The following TMEM214 variants were observed in gnomAD, a reference collection of about 807,000 sequenced individuals.
The protein encoded by TMEM214 is transmembrane protein 214.
Under a neutral mutation model 89.8 loss-of-function variants are expected in TMEM214, and 71 were observed. That is an observed-to-expected ratio of 0.79 (90% CI 0.65 to 0.96). The LOEUF (loss-of-function observed/expected upper bound fraction) is 0.96. Among genes scored for constraint, TMEM214 ranks in the 40% least tolerant of loss-of-function variants. The pLI is 0.00. For synonymous variants in TMEM214, 332 were observed against 349.5 expected, an observed-to-expected ratio of 0.95 and a Z score of 0.56; for missense variants, 754 against 843.4, an observed-to-expected ratio of 0.89 and a Z score of 1.31.
chr2:27,037,700 G>A lies in TMEM214; in HGVS notation c.1150G>A (p.Glu384Lys), dbSNP rs1393485445. The change falls in exon 9 of 17, where the codon GAG (glutamate) becomes AAG (lysine). Residue 384 changes from glutamate to lysine, a missense_variant and splice_region_variant. Glu to Lys is a moderately conservative substitution (Grantham distance 56). Coordinates refer to ENST00000238788, the MANE Select transcript of TMEM214 (RefSeq NM_017727.5). ...TAGCTGTCCCCCTGAGATGAAGAAA[G>A]AGGTGAGGATATGGTGGGAGGCTTT... ...TPSCPPEMKK[E>K]LLSSLTECLT... 6.2e-7 allele frequency: 1 copy of A among 1,614,048 alleles called. No individual in the cohort carries two copies. Among genetic ancestry groups the A allele is most frequent in the Non-Finnish European group, 8.5e-7 (1 of 1,180,038 alleles).
rs375904485 is a variant in TMEM214, at chr2:27,034,048, C to G, written c.152-19C>G. The G allele has an allele frequency of 1.2e-6, 2 of 1,613,700 alleles. No homozygotes were observed. Among genetic ancestry groups the G allele is most frequent in the African/African-American group, 2.7e-5 (2 of 74,898 alleles). On this transcript the variant is annotated intron_variant, in intron 1 of 16. Coordinates refer to ENST00000238788, the MANE Select transcript of TMEM214 (RefSeq NM_017727.5). ...GGACTCAAGGGTGGCCTGCCTTTCT[C>G]TACCTATCTTCACCCCAGCTGCAAT...
intron 1 of TMEM214, among the ~76,000 whole-genome samples, 173 bp from the exon 2 acceptor site, chr2:27,033,894 G>A (rs1367533861): frequency 6.6e-6 from 1 of 152,050 alleles, no homozygotes; most frequent in Admixed American, 6.5e-5. Flanking sequence ...AATGAAAGAA[G>A]CTACCAGGAG....
In TMEM214 at chr2:27,037,554, C is replaced by A. The variant is rs751603408; in HGVS notation, c.1011-7C>A. ...TTATGCCTGTCTTTCCTCCCCACCC[C>A]ACCCAGCCTGCAGGAGCAGCTGTGT... On this transcript the variant is annotated splice_region_variant and splice_polypyrimidine_tract_variant and intron_variant, in intron 8 of 16. Coordinates refer to ENST00000238788, the MANE Select transcript of TMEM214 (RefSeq NM_017727.5). 1.9e-6 allele frequency: 3 copies of A among 1,614,182 alleles called. No individual in the cohort carries two copies. The highest frequency in any genetic ancestry group is 2.5e-6 in the Non-Finnish European group (3 of 1,180,030).
At position 27,040,988 on chromosome 2, in the gene TMEM214, C is replaced by T. The variant is rs550006545; in HGVS notation, c.*151C>T. ...CCAGTTGCCTCCACCTCAGTTCTTC[C>T]ATCTTTGGTGGGGACAGGGCCCAGC... On this transcript the variant is annotated 3_prime_UTR_variant, in exon 17 of 17. Coordinates refer to ENST00000238788, the MANE Select transcript of TMEM214 (RefSeq NM_017727.5). 2.8e-4 allele frequency: 263 copies of T among 930,098 alleles called. 6 individuals carry two copies. The South Asian group carries it at 3.9e-3, about 14-fold the overall frequency. The allele number at this position is 930,098 out of a possible 1,614,324, so 57.6% of individuals were successfully genotyped here.
At chr2:27,034,751 T>C (rs1385247345) in intron 2 of TMEM214, 5 of 216,132 alleles carry the variant, frequency 2.3e-5, no homozygotes, top group Admixed American at 5.2e-5. Flanking sequence ...GCCTGGCTAA[T>C]TTTTGTATTT....
Position 27,035,732 on chromosome 2 carries a change from A to G in TMEM214, c.637+4A>G. ...CAAGAGCTGGATAAGACACCAGGTG[A>G]AAGGGGCACGGGAGGGATGACCATC... On this transcript the variant is annotated splice_donor_region_variant and intron_variant, in intron 4 of 16. Coordinates refer to ENST00000238788, the MANE Select transcript of TMEM214 (RefSeq NM_017727.5). The G allele has an allele frequency of 6.2e-7, 1 of 1,614,182 alleles. No individual in the cohort carries two copies. The highest frequency in any genetic ancestry group is 1.3e-5 in the African/African-American group (1 of 75,044).
intron 13 of TMEM214, 65 bp downstream of exon 13, chr2:27,039,229 C>A: frequency 7.6e-7 from 1 of 1,324,072 alleles, no homozygotes; most frequent in Non-Finnish European, 1.1e-6. Flanking sequence ...CGTAGCACCA[C>A]CACCCCGCCC....
At chr2:27,035,036 C>T (rs982508577) in intron 2 of TMEM214, 99 bp from the exon 3 acceptor site, 7 of 1,381,316 alleles carry the variant, frequency 5.1e-6, no homozygotes, top group Non-Finnish European at 7.0e-6. Context: ...CTTCTTCCTA[C>T]TGCCACCTAG....
chr2:27,040,826 T>C lies in TMEM214; in HGVS notation c.2059T>C (p.Ser687Pro), dbSNP rs78254984. The stretch of plus-strand genomic sequence containing the variant: ...CTTGGACTGGGCACTTGCCCTGATA[T>C]CCCAGCAGTAGGCCCTGCCTTCCTG... ...AFLDWALALI[S>P]QQ The change falls in exon 17 of 17, where the codon TCC (serine) becomes CCC (proline). Residue 687 changes from serine to proline, a missense_variant. Transcript: ENST00000238788. 31 of 1,613,734 alleles carry C rather than the reference T, an allele frequency of 1.9e-5. No homozygotes were observed. The East Asian group carries it at 6.0e-4, about 31-fold the overall frequency.
At chr2:27,039,972 G>A in intron 14 of TMEM214, 58 bp from the exon 15 acceptor site, 3 of 1,593,252 alleles carry the variant, frequency 1.9e-6, no homozygotes, top group Non-Finnish European at 2.6e-6. Flanking sequence ...TGTTTCTTGG[G>A]AGCTAAGTGG....
chr2:27,033,348 A>G (rs936618024), intron 1 of TMEM214, among the ~76,000 whole-genome samples, 182 bp downstream of exon 1: 1 of 152,140 alleles, frequency 6.6e-6, no homozygotes, highest in African/African-American at 2.4e-5. Flanking sequence ...CACCTCCCAG[A>G]TGAGTAAACT....
intron 5 of TMEM214, 97 bp from the exon 6 acceptor site, chr2:27,036,390 C>A: frequency 9.4e-7 from 1 of 1,062,232 alleles, no homozygotes. Context: ...GGCCTGTCCT[C>A]CCTCTTCCAG....
At chr2:27,036,112 T>C in intron 5 of TMEM214, 60 bp downstream of exon 5, 1 of 1,531,262 alleles carries the variant, frequency 6.5e-7, no homozygotes. Context: ...CTGGGCAGAA[T>C]CTATGTTGTT....
chr2:27,036,995 G>T, intron 7 of TMEM214, 82 bp from the exon 8 acceptor site: 1 of 1,289,840 alleles, frequency 7.8e-7, no homozygotes, highest in South Asian at 1.2e-5. Flanking sequence ...CTTTTTCCTA[G>T]ATGTTGGCTT....
chr2:27,033,962 T>A, intron 1 of TMEM214, 105 bp from the exon 2 acceptor site: 1 of 1,271,336 alleles, frequency 7.9e-7, no homozygotes, highest in South Asian at 1.4e-5. Context: ...GACAGGCTCT[T>A]CCCTGGAGAT....
In TMEM214 at chr2:27,036,784, C is replaced by T. The variant is rs374254263; in HGVS notation, c.906C>T (p.Leu302=). The change falls in exon 7 of 17, where the codon CTC becomes CTT. Residue 302 remains leucine (L), a splice_region_variant and synonymous_variant. Coordinates refer to ENST00000238788, the MANE Select transcript of TMEM214 (RefSeq NM_017727.5). ...CCATCACATACCTGGATCGGCTGCT[C>T]CTGTGAGTAATGGGAGGGCAGCAAG... The part of the protein sequence containing the change: ...PFAITYLDRL[L]LMHPNLTKGF... 2.5e-6 allele frequency: 4 copies of T among 1,613,866 alleles called. No individual in the cohort carries two copies. Among genetic ancestry groups the T allele is most frequent in the African/African-American group, 1.3e-5 (1 of 74,858 alleles).
chr2:27,036,128 C>T (rs1446177106), intron 5 of TMEM214, 76 bp downstream of exon 5: 1 of 1,407,530 alleles, frequency 7.1e-7, no homozygotes, highest in Non-Finnish European at 1.0e-6. Context: ...TTGTTGGACT[C>T]AGGTTTGGGA....
chr2:27,038,971 T>C lies in TMEM214; in HGVS notation c.1408-76T>C. On this transcript the variant is annotated intron_variant, in intron 12 of 16. Transcript: ENST00000238788. This position sits in a 1 kb window ranked among gnomAD's most constrained non-coding sequence, Gnocchi z 4.4. Reference sequence around the variant, plus strand: ...GGCTTGACGCTCTTTCGGGAAGGCCTGGCTTGAGGTCTGCCCTCAGAGGCA... The same window carrying C: ...GGCTTGACGCTCTTTCGGGAAGGCCCGGCTTGAGGTCTGCCCTCAGAGGCA... The C allele has an allele frequency of 6.5e-7, 1 of 1,537,606 alleles. No individual in the cohort carries two copies. The highest frequency in any genetic ancestry group is 1.7e-5 in the Admixed American group (1 of 59,746).
chr2:27,040,417 C>T lies in TMEM214; in HGVS notation c.1864C>T (p.Gln622Ter). ...GAGAGAGCTGCCCCTGCTTTTCCAC[C>T]AGAATGTGCTGCTGCCACTGTGGCA... Reference protein sequence around the residue: ...YLRELPLLFHQNVLLPLWHLL... With the variant: ...YLRELPLLFH The change falls in exon 16 of 17, where the codon CAG (glutamine) becomes TAG (stop). Residue 622 changes from glutamine (Q) to a stop codon, truncating the protein, a stop_gained. Coordinates refer to ENST00000238788, the MANE Select transcript of TMEM214 (RefSeq NM_017727.5). LOFTEE classifies it high-confidence loss of function. 1 of 1,614,246 alleles carries T rather than the reference C, an allele frequency of 6.2e-7. No homozygotes were observed. Among genetic ancestry groups the T allele is most frequent in the Non-Finnish European group, 8.5e-7 (1 of 1,180,046 alleles).
Sources: gnomAD v4.1 joint callset for allele counts (sites outside exome capture counted in the v4.1 genomes callset) on GRCh38, gnomAD v4.1.1 for gene constraint, Gnocchi (gnomAD v3.1) non-coding constraint, MANE v1.5 for transcripts, NCBI Gene and HGNC (gene_info 2026-07-23, HGNC 2026-07-21) for gene names.